METTL15: variants seen among roughly 807,000 people sequenced by gnomAD.
The protein encoded by METTL15 is 12S rRNA N(4)-cytidine methyltransferase METTL15.
Under a neutral mutation model 38.3 loss-of-function variants are expected in METTL15, and 34 were observed. That is an observed-to-expected ratio of 0.89 (90% CI 0.68 to 1.18). The LOEUF is 1.18. Ranked by LOEUF, METTL15 falls within the 50% of genes most tolerant of loss-of-function variation. METTL15 has a pLI of 0.00. For synonymous variants in METTL15, 162 were observed against 170.9 expected (o/e 0.95, Z 0.41); for missense variants, 438 against 498.4 (o/e 0.88, Z 1.15).
chr11:28,352,183 C>T (rs770226706), intron 4 of METTL15: 1 of 152,208 alleles, frequency 6.6e-6, no homozygotes, highest in Non-Finnish European at 1.5e-5. Flanking sequence ...TCTGACCTTT[C>T]TGCCGGGAGG....
At chr11:28,197,103 A>G (rs1332177933) in intron 3 of METTL15, among the ~76,000 whole-genome samples, 1 of 151,974 alleles carries the variant, frequency 6.6e-6, no homozygotes, top group Non-Finnish European at 1.5e-5. Flanking sequence ...AAGTTAATTC[A>G]AAGTTGTTTT....
chr11:28,504,111 T>C (rs1360369651), intron 6 of METTL15, among the ~76,000 whole-genome samples: 2 of 145,708 alleles, frequency 1.4e-5, no homozygotes, highest in Non-Finnish European at 3.0e-5. Context: ...GGTAGGAGAA[T>C]CGCTTGAACC....
At chr11:28,127,022 G>A (rs1852517007) in intron 3 of METTL15, among the ~76,000 whole-genome samples, 1 of 152,086 alleles carries the variant, frequency 6.6e-6, no homozygotes, top group Admixed American at 6.6e-5. Context: ...CTGGGAAGGA[G>A]CTTGGTAAGA....
intron 3 of METTL15, among the ~76,000 whole-genome samples, chr11:28,195,183 C>T (rs142420625): frequency 7.0e-4 from 106 of 152,030 alleles, no homozygotes; most frequent in African/African-American, 2.3e-3. Context: ...ATCCTTTTTG[C>T]GGGTATTGTT....
chr11:28,176,806 A>G lies in METTL15; in HGVS notation c.271-34256A>G, dbSNP rs143115262. 1.8e-4 allele frequency among the ~76,000 whole-genome samples: 27 copies of G among 152,208 alleles called. No homozygotes were observed. The East Asian group carries it at 4.8e-3, about 27-fold the overall frequency. ...AAATGGAATTATGATATTACTGTGT[A>G]TGGTTTTTGTAAAAAAGGAAACATC... On this transcript the variant is annotated intron_variant, in intron 3 of 6. Transcript: ENST00000407364.
intron 6 of METTL15, among the ~76,000 whole-genome samples, chr11:28,428,942 C>G (rs946444925): frequency 6.6e-6 from 1 of 152,188 alleles, no homozygotes; most frequent in Non-Finnish European, 1.5e-5. Context: ...TTCTCTGGTG[C>G]TGACCACCTA....
At chr11:28,368,068 T>C (rs1850204120) in intron 5 of METTL15, among the ~76,000 whole-genome samples, 1 of 121,294 alleles carries the variant, frequency 8.2e-6, no homozygotes, top group Non-Finnish European at 1.7e-5. Context: ...CCAAAAGCCA[T>C]GGCAACAAAA....
intron 6 of METTL15, among the ~76,000 whole-genome samples, chr11:28,471,426 C>T (rs1199141317): frequency 6.6e-6 from 1 of 152,122 alleles, no homozygotes; most frequent in East Asian, 1.9e-4. Context: ...CATTTTTCTT[C>T]TCAGGAAAAG....
chr11:28,304,322 T>C (rs1242931424), intron 6 of METTL15, among the ~76,000 whole-genome samples: 2 of 152,218 alleles, frequency 1.3e-5, no homozygotes, highest in Non-Finnish European at 2.9e-5. Flanking sequence ...CTTTCCACAG[T>C]GGCATCAATG....
chr11:28,454,317 C>T (rs1425826105), intron 6 of METTL15, among the ~76,000 whole-genome samples: 1 of 152,222 alleles, frequency 6.6e-6, no homozygotes, highest in East Asian at 1.9e-4. Flanking sequence ...TCCATTTCCA[C>T]TGAAGTATCT....
intron 3 of METTL15, chr11:28,197,380 A>AT (rs1035857700): frequency 1.9e-5 from 5 of 258,396 alleles, no homozygotes; most frequent in African/African-American, 6.7e-5. Context: ...GTGAATAATT[A>AT]TTTTTTTGAT....
At chr11:28,520,215 G>A (rs1413685244) in intron 6 of METTL15, among the ~76,000 whole-genome samples, 1 of 152,064 alleles carries the variant, frequency 6.6e-6, no homozygotes, top group African/African-American at 2.4e-5. Flanking sequence ...GTGCATACCT[G>A]TATTCCCAGC....
intron 6 of METTL15, among the ~76,000 whole-genome samples, chr11:28,446,755 T>C (rs1401411782): frequency 6.6e-6 from 1 of 152,186 alleles, no homozygotes; most frequent in Non-Finnish European, 1.5e-5. Context: ...TGAATGTTTA[T>C]TGTAAAGTAC....
chr11:28,467,209 G>C (rs1851264323), intron 6 of METTL15, among the ~76,000 whole-genome samples: 1 of 152,192 alleles, frequency 6.6e-6, no homozygotes, highest in Non-Finnish European at 1.5e-5. Context: ...TCTCCCTCTG[G>C]TCATGGTGGC....
intron 5 of METTL15, among the ~76,000 whole-genome samples, chr11:28,376,115 G>A (rs1165481735): frequency 2.4e-4 from 37 of 151,718 alleles, no homozygotes; most frequent in African/African-American, 8.2e-4. Context: ...AATAGGTGTG[G>A]TGTGGTGCTG....
At chr11:28,208,284 T>C (rs1403801165) in intron 3 of METTL15, among the ~76,000 whole-genome samples, 1 of 152,184 alleles carries the variant, frequency 6.6e-6, no homozygotes, top group East Asian at 1.9e-4. Flanking sequence ...GCTTTGAATG[T>C]GTCCCAGAGA....
intron 3 of METTL15, among the ~76,000 whole-genome samples, chr11:28,179,799 T>C (rs761734501): frequency 1.3e-5 from 2 of 151,834 alleles, no homozygotes; most frequent in Non-Finnish European, 2.9e-5. Context: ...AGTAGAATTA[T>C]TGATTCACTT....
intron 6 of METTL15, among the ~76,000 whole-genome samples, chr11:28,448,745 A>C (rs892766494): frequency 6.6e-6 from 1 of 152,132 alleles, no homozygotes; most frequent in Non-Finnish European, 1.5e-5. Flanking sequence ...AAAATGATCC[A>C]AGTGCATATT....
intron 5 of METTL15, among the ~76,000 whole-genome samples, chr11:28,371,913 A>C (rs1474379961): frequency 6.6e-6 from 1 of 152,102 alleles, no homozygotes; most frequent in Non-Finnish European, 1.5e-5. Flanking sequence ...TTTTCTAAGT[A>C]TAAAACTATG....
Sources: allele counts gnomAD v4.1 joint callset (sites outside exome capture counted in the v4.1 genomes callset), GRCh38; gene constraint gnomAD v4.1.1; transcripts MANE v1.5; gene names NCBI Gene and HGNC (gene_info 2026-07-23, HGNC 2026-07-21).